BRWD3: variants seen among roughly 807,000 people sequenced by gnomAD.
BRWD3 encodes bromodomain and WD repeat-containing protein 3.
A neutral mutation model predicts 149.7 loss-of-function variants in BRWD3; 10 were observed. The observed-to-expected ratio is 0.07, with a 90% CI of 0.04 to 0.11. BRWD3 has a LOEUF of 0.11. BRWD3 is among the 10% of genes least tolerant of loss of function. BRWD3 has a pLI of 1.00. For synonymous variants in BRWD3, 504 were observed against 456.7 expected, an observed-to-expected ratio of 1.10 and a Z score of -1.32; for missense variants, 940 against 1,373.2, an observed-to-expected ratio of 0.68 and a Z score of 4.99.
chrX:80,719,153 T>C (rs1410491633), intron 18 of BRWD3, among the ~76,000 whole-genome samples: 1 of 110,740 alleles, frequency 9.0e-6, no homozygotes, highest in Admixed American at 9.7e-5. Flanking sequence ...AAGGTAGTTT[T>C]AATTTTGAAA....
chrX:80,698,451 G>A (rs2072733514), intron 25 of BRWD3, among the ~76,000 whole-genome samples: 1 of 111,646 alleles, frequency 9.0e-6, no homozygotes, highest in African/African-American at 3.3e-5. Flanking sequence ...GCTCATTCCT[G>A]TAATCCCAGC....
At chrX:80,770,871 A>G (rs745921042) in intron 6 of BRWD3, among the ~76,000 whole-genome samples, 2 of 111,968 alleles carry the variant, frequency 1.8e-5, no homozygotes, top group East Asian at 2.8e-4. Flanking sequence ...TCAGCCCAAA[A>G]TCTCCTGAAG....
chrX:80,747,608 C>T (rs1292086917), intron 6 of BRWD3, among the ~76,000 whole-genome samples: 1 of 111,714 alleles, frequency 9.0e-6, no homozygotes, highest in Admixed American at 9.5e-5. Flanking sequence ...TTTGAATCTT[C>T]AATTTCTTTC....
intron 8 of BRWD3, among the ~76,000 whole-genome samples, chrX:80,742,007 T>C (rs1418639236): frequency 1.8e-5 from 2 of 111,649 alleles, no homozygotes; most frequent in Non-Finnish European, 3.8e-5. Flanking sequence ...CTGAATGGTA[T>C]TGCCTAGGTT....
chrX:80,699,912 C>T, intron 25 of BRWD3, 45 bp downstream of exon 25: 2 of 1,009,143 alleles, frequency 2.0e-6, no homozygotes, highest in Non-Finnish European at 2.8e-6. Context: ...CAATTTAATT[C>T]CAAAGCTACT....
Position 80,809,763 on chromosome X carries a change from G to GAGAGAGAGAGAGAGAGAA in BRWD3, c.-293_-292insTTCTCTCTCTCTCTCTCT. ...GAGAGAGAGAGAGAGAGGAAAAAGA[G>GAGAGAGAGAGAGAGAGAA]AGAGAGAGAGAGAGAGAGAGAGAGA... On this transcript the variant is annotated 5_prime_UTR_variant, in exon 1 of 41. Transcript: ENST00000373275. The GAGAGAGAGAGAGAGAGAA allele has an allele frequency of 1.3e-5, 1 of 78,114 alleles. No individual in the cohort carries two copies. The highest frequency in any genetic ancestry group is 2.2e-5 in the Non-Finnish European group (1 of 46,463). The allele number at this position is 78,114 out of a possible 1,213,427, so 6.4% of individuals were successfully genotyped here.
rs974549325 is a variant in BRWD3, at chrX:80,756,502, CA to C, written c.431-10774del. On this transcript the variant is annotated intron_variant, in intron 6 of 40. Coordinates refer to ENST00000373275, the MANE Select transcript of BRWD3 (RefSeq NM_153252.5). ...GGGCAACAAGAGCGAAACTCTGTCT[CA>C]AAAAAAAAAAAAAAAAAAAAAAGAA... Among the ~76,000 whole-genome samples, 233 of 41,299 alleles carry C rather than the reference CA, an allele frequency of 5.6e-3. 2 individuals carry two copies. The highest frequency in any genetic ancestry group is 0.02 in the African/African-American group (208 of 10,355). 35.9% of individuals were successfully genotyped at this position (41,299 alleles called of 115,157 possible). A position where few individuals can be genotyped will look rare whatever the true frequency, so the allele number is the denominator to read the frequency against.
chrX:80,799,441 C>T (rs758680386), intron 4 of BRWD3, among the ~76,000 whole-genome samples: 1 of 112,063 alleles, frequency 8.9e-6, no homozygotes, highest in African/African-American at 3.2e-5. Flanking sequence ...TATTTGTTTT[C>T]CAAGACCATG....
chrX:80,753,501 C>G (rs1425495112), intron 6 of BRWD3, among the ~76,000 whole-genome samples: 1 of 110,644 alleles, frequency 9.0e-6, no homozygotes, highest in Non-Finnish European at 1.9e-5. Context: ...GAACTCCTGA[C>G]CTCAGGTGAT....
intron 16 of BRWD3, 40 bp downstream of exon 16, chrX:80,723,708 T>C (rs187216483): frequency 2.5e-6 from 3 of 1,200,443 alleles, no homozygotes; most frequent in Non-Finnish European, 3.4e-6. Flanking sequence ...AATGACACAA[T>C]CCTAAATTAT....
chrX:80,698,493 G>A (rs895173252), intron 25 of BRWD3, among the ~76,000 whole-genome samples: 1 of 110,922 alleles, frequency 9.0e-6, no homozygotes, highest in African/African-American at 3.3e-5. Flanking sequence ...TGGATCACCT[G>A]AGGTCAGGAG....
At chrX:80,681,304 T>G (rs1416086897) in intron 40 of BRWD3, 37 bp downstream of exon 40, 2 of 1,180,021 alleles carry the variant, frequency 1.7e-6, no homozygotes, top group Admixed American at 4.4e-5. Flanking sequence ...CATAAAGAAA[T>G]AAATAATAAA....
At chrX:80,783,345 C>A (rs2074075335) in intron 6 of BRWD3, among the ~76,000 whole-genome samples, 1 of 106,185 alleles carries the variant, frequency 9.4e-6, no homozygotes. Context: ...GAGATCGCAC[C>A]ACTGCACTCC....
chrX:80,757,456 T>A (rs1322491762), intron 6 of BRWD3, among the ~76,000 whole-genome samples: 1 of 112,539 alleles, frequency 8.9e-6, no homozygotes, highest in Non-Finnish European at 1.9e-5. Flanking sequence ...ACTATAGTTT[T>A]TTCTTGAATG....
chrX:80,755,492 T>A (rs1286730055), intron 6 of BRWD3, among the ~76,000 whole-genome samples: 1 of 111,691 alleles, frequency 9.0e-6, no homozygotes, highest in Non-Finnish European at 1.9e-5. Context: ...AACCTAATGT[T>A]AGCTATTACT....
At chrX:80,730,193 T>G (rs1048415536) in intron 12 of BRWD3, among the ~76,000 whole-genome samples, 173 bp from the exon 13 acceptor site, 4 of 110,055 alleles carry the variant, frequency 3.6e-5, no homozygotes, top group African/African-American at 1.3e-4. Flanking sequence ...AGAGTTATCA[T>G]ATGACCCAGA....
intron 26 of BRWD3, among the ~76,000 whole-genome samples, chrX:80,696,277 C>T (rs2072690782): frequency 1.8e-5 from 2 of 110,543 alleles, no homozygotes; most frequent in African/African-American, 6.6e-5. Flanking sequence ...AATCTCCTTA[C>T]GTTTTAAACT....
At chrX:80,722,162 CAA>C (rs896925574) in intron 17 of BRWD3, among the ~76,000 whole-genome samples, 3 of 111,908 alleles carry the variant, frequency 2.7e-5, no homozygotes, top group African/African-American at 9.7e-5. Flanking sequence ...TGTGGTTTTT[CAA>C]AGTTTCCTCT....
At position 80,772,844 on chromosome X, in the gene BRWD3, T is replaced by C. The variant is rs2073960561; in HGVS notation, c.430+19010A>G. 3.6e-5 allele frequency among the ~76,000 whole-genome samples: 4 copies of C among 111,921 alleles called. No individual in the cohort carries two copies. The South Asian group carries it at 1.5e-3, about 42-fold the overall frequency. ...CCAAAAACTGGAATCATCCCAGATG[T>C]CCTTCAATTGGTGAATGACCAAACA... On this transcript the variant is annotated intron_variant, in intron 6 of 40. Transcript: ENST00000373275.
Sources: gnomAD v4.1 joint callset for allele counts (sites outside exome capture counted in the v4.1 genomes callset) on GRCh38, gnomAD v4.1.1 for gene constraint, MANE v1.5 for transcripts, NCBI Gene and HGNC (gene_info 2026-07-23, HGNC 2026-07-21) for gene names.